Variants in NR3C2 observed in about 807,000 individuals in gnomAD.
NR3C2 encodes mineralocorticoid receptor.
A neutral mutation model predicts 86.4 loss-of-function variants in NR3C2; 15 were observed. That is an observed-to-expected ratio of 0.17 (90% confidence interval 0.12 to 0.27). The LOEUF (loss-of-function observed/expected upper bound fraction) is 0.27, where lower values mean the gene tolerates loss of function less well. NR3C2 is among the 10% of genes least tolerant of loss of function. The pLI is 1.00. For synonymous variants in NR3C2, 458 were observed against 450.5 expected (o/e 1.02, Z -0.21); for missense variants, 960 against 1,195.6 (o/e 0.80, Z 2.91).
intron 2 of NR3C2, among the ~76,000 whole-genome samples, chr4:148,285,657 A>C (rs558599289): frequency 5.0e-4 from 76 of 152,308 alleles, no homozygotes; most frequent in African/African-American, 1.7e-3. Context: ...CAGTGAGCCA[A>C]AATTGTGCCA....
chr4:148,301,576 A>T (rs1742338415), intron 2 of NR3C2, among the ~76,000 whole-genome samples: 1 of 152,238 alleles, frequency 6.6e-6, no homozygotes, highest in Admixed American at 6.5e-5. Context: ...ATAAAAGCAC[A>T]ACAAGTTTCT....
At chr4:148,098,396 A>T (rs1731386802) in intron 8 of NR3C2, among the ~76,000 whole-genome samples, 1 of 152,220 alleles carries the variant, frequency 6.6e-6, no homozygotes, top group South Asian at 2.1e-4. Context: ...TCTTGCACTT[A>T]GGAACATAGA....
At chr4:148,174,974 T>G (rs1735303482) in intron 4 of NR3C2, among the ~76,000 whole-genome samples, 1 of 152,144 alleles carries the variant, frequency 6.6e-6, no homozygotes, top group Admixed American at 6.6e-5. Context: ...GATACAAAAC[T>G]GGTAAAGTCA....
intron 6 of NR3C2, among the ~76,000 whole-genome samples, chr4:148,151,739 T>C (rs897499576): frequency 1.3e-5 from 2 of 152,236 alleles, no homozygotes; most frequent in African/African-American, 4.8e-5. Context: ...TGTCAGAATA[T>C]GGCTGTAGTT....
rs1578855877 is a variant in NR3C2, at chr4:148,078,869, G to GT, written c.*2474dup. ...TTGCTTCATTTTAAACTAATTTAGT[G>GT]TTTCTTTAAATTATATGAACTTTTG... On this transcript the variant is annotated 3_prime_UTR_variant, in exon 9 of 9. Transcript: ENST00000358102. 3 of 152,588 alleles carry GT rather than the reference G, an allele frequency of 2.0e-5. No homozygotes were observed. The highest frequency in any genetic ancestry group is 1.3e-4 in the Admixed American group (2 of 15,276). 9.5% of individuals were successfully genotyped at this position (152,588 alleles called of 1,614,324 possible). A position where few individuals can be genotyped will look rare whatever the true frequency, so the allele number is the denominator to read the frequency against.
intron 4 of NR3C2, among the ~76,000 whole-genome samples, chr4:148,182,754 T>C (rs538181427): frequency 1.6e-4 from 24 of 152,358 alleles, no homozygotes; most frequent in Non-Finnish European, 2.2e-4. Context: ...TAGGCTTTGC[T>C]GCCAGCAACA....
chr4:148,142,194 C>T (rs542372349), intron 6 of NR3C2, among the ~76,000 whole-genome samples: 3 of 152,156 alleles, frequency 2.0e-5, no homozygotes, highest in Non-Finnish European at 4.4e-5. Context: ...GCTTAACTAA[C>T]GCCAGGCAGC....
intron 3 of NR3C2, 24 bp downstream of exon 3, chr4:148,259,954 A>T (rs1441957226): frequency 1.9e-6 from 3 of 1,613,990 alleles, no homozygotes; most frequent in South Asian, 1.1e-5. Flanking sequence ...AATATGTAAA[A>T]GGAACACCCA....
At chr4:148,210,288 T>C (rs1737219741) in intron 3 of NR3C2, among the ~76,000 whole-genome samples, 1 of 152,100 alleles carries the variant, frequency 6.6e-6, no homozygotes, top group Non-Finnish European at 1.5e-5. Flanking sequence ...CCTCCCGGGT[T>C]CAAGCATTTC....
At chr4:148,375,501 C>G (rs1343394351) in intron 2 of NR3C2, among the ~76,000 whole-genome samples, 1 of 150,542 alleles carries the variant, frequency 6.6e-6, no homozygotes, top group East Asian at 1.9e-4. Flanking sequence ...AAGTATTTGA[C>G]AAGATGGTAT....
At chr4:148,169,027 C>T (rs1357501426) in intron 4 of NR3C2, among the ~76,000 whole-genome samples, 1 of 152,136 alleles carries the variant, frequency 6.6e-6, no homozygotes, top group Non-Finnish European at 1.5e-5. Context: ...GAATTGAAAT[C>T]AATATACCAT....
intron 8 of NR3C2, among the ~76,000 whole-genome samples, chr4:148,101,070 T>C (rs999565728): frequency 1.3e-5 from 2 of 152,144 alleles, no homozygotes; most frequent in Non-Finnish European, 2.9e-5. Context: ...GACAAAGAGC[T>C]CTGGAAATTG....
intron 2 of NR3C2, among the ~76,000 whole-genome samples, chr4:148,420,479 T>C (rs1749229456): frequency 6.6e-6 from 1 of 152,178 alleles, no homozygotes; most frequent in Non-Finnish European, 1.5e-5. Flanking sequence ...TTCTAACTGT[T>C]CCCTCCCTAT....
chr4:148,413,653 T>A (rs907281621), intron 2 of NR3C2, among the ~76,000 whole-genome samples: 1 of 152,062 alleles, frequency 6.6e-6, no homozygotes, highest in Non-Finnish European at 1.5e-5. Flanking sequence ...AACTCACAAG[T>A]AATATAGGTA....
chr4:148,332,852 T>C (rs1315033620), intron 2 of NR3C2, among the ~76,000 whole-genome samples: 3 of 152,202 alleles, frequency 2.0e-5, no homozygotes, highest in Admixed American at 6.5e-5. Flanking sequence ...GGAGGGTGTG[T>C]TAGAGTGTGT....
intron 2 of NR3C2, among the ~76,000 whole-genome samples, chr4:148,304,115 A>G (rs540572920): frequency 6.7e-6 from 1 of 149,768 alleles, no homozygotes; most frequent in East Asian, 2.0e-4. Context: ...CCCCTTTCCA[A>G]TGCATCCTGA....
At chr4:148,265,781 AC>A (rs1740355248) in intron 2 of NR3C2, among the ~76,000 whole-genome samples, 2 of 152,174 alleles carry the variant, frequency 1.3e-5, no homozygotes, top group South Asian at 4.2e-4. Flanking sequence ...AGATCAGTAA[AC>A]ATCCTCACAT....
chr4:148,353,171 A>G (rs971808932), intron 2 of NR3C2, among the ~76,000 whole-genome samples: 8 of 152,142 alleles, frequency 5.3e-5, no homozygotes, highest in African/African-American at 1.9e-4. Context: ...ATAATATAGT[A>G]TTTTAGTATT....
chr4:148,174,158 C>G (rs61759416), intron 4 of NR3C2, among the ~76,000 whole-genome samples: 1 of 152,118 alleles, frequency 6.6e-6, no homozygotes, highest in South Asian at 2.1e-4. Flanking sequence ...GATATGAAAG[C>G]CTGCCTGGGA....
Sources: gnomAD v4.1 joint callset for allele counts (sites outside exome capture counted in the v4.1 genomes callset) on GRCh38, gnomAD v4.1.1 for gene constraint, MANE v1.5 for transcripts, NCBI Gene and HGNC (gene_info 2026-07-23, HGNC 2026-07-21) for gene names.